TAFA2: variants seen among roughly 807,000 people sequenced by gnomAD.
TAFA2 encodes the protein chemokine-like protein TAFA-2.
In TAFA2, 7 loss-of-function variants were observed where a neutral mutation model predicts 18.8. That is an observed-to-expected ratio of 0.37 (90% CI 0.21 to 0.70). The LOEUF (loss-of-function observed/expected upper bound fraction) is 0.70. TAFA2 is among the 30% of genes least tolerant of loss of function. TAFA2 has a pLI of 0.53. For synonymous variants in TAFA2, 60 were observed against 54.2 expected, an observed-to-expected ratio of 1.11 and a Z score of -0.47; for missense variants, 122 against 158.1, an observed-to-expected ratio of 0.77 and a Z score of 1.23.
intron 1 of TAFA2, among the ~76,000 whole-genome samples, chr12:62,096,522 G>C (rs1017368389): frequency 6.6e-6 from 1 of 152,038 alleles, no homozygotes; most frequent in South Asian, 2.1e-4. Flanking sequence ...CTTAAAAAAG[G>C]CTTTACTAAA....
intron 1 of TAFA2, among the ~76,000 whole-genome samples, chr12:62,091,596 G>A (rs193162141): frequency 2.0e-5 from 3 of 151,920 alleles, no homozygotes; most frequent in Non-Finnish European, 4.4e-5. Flanking sequence ...ACAACTGATA[G>A]GTCAGTTGAT....
chr12:62,063,855 GACACACAC>G (rs3031045), intron 1 of TAFA2, among the ~76,000 whole-genome samples: 14 of 147,922 alleles, frequency 9.5e-5, no homozygotes, highest in African/African-American at 3.0e-4. Flanking sequence ...AGGGTGGCTG[GACACACAC>G]ACACACACAC....
intron 1 of TAFA2, among the ~76,000 whole-genome samples, chr12:62,013,694 G>T (rs1187421427): frequency 2.6e-5 from 4 of 152,090 alleles, no homozygotes; most frequent in African/African-American, 9.7e-5. Flanking sequence ...ATTTCTTTTT[G>T]CTCTATTTAA....
chr12:62,102,470 T>C (rs1324069098), intron 1 of TAFA2, among the ~76,000 whole-genome samples: 1 of 152,214 alleles, frequency 6.6e-6, no homozygotes, highest in Non-Finnish European at 1.5e-5. Flanking sequence ...AGTGTGTATT[T>C]AAATTGACAG....
At chr12:62,002,427 G>A (rs544098301) in intron 1 of TAFA2, among the ~76,000 whole-genome samples, 30 of 152,128 alleles carry the variant, frequency 2.0e-4, no homozygotes, top group African/African-American at 5.3e-4. Flanking sequence ...TCATTTTTGC[G>A]TAATGGGCCT....
At chr12:62,107,528 C>T (rs1290102394) in intron 1 of TAFA2, among the ~76,000 whole-genome samples, 1 of 152,034 alleles carries the variant, frequency 6.6e-6, no homozygotes, top group African/African-American at 2.4e-5. Flanking sequence ...TTAACTTTTC[C>T]TTAGATATTT....
chr12:61,804,295 G>A (rs138721412), intron 2 of TAFA2, among the ~76,000 whole-genome samples: 43 of 152,024 alleles, frequency 2.8e-4, no homozygotes, highest in African/African-American at 9.2e-4. Context: ...ACATTATTAT[G>A]TCTATCTTTA....
intron 1 of TAFA2, among the ~76,000 whole-genome samples, chr12:61,897,168 G>C (rs114008977): frequency 0.019 from 2,842 of 152,242 alleles, 93 homozygotes; most frequent in African/African-American, 0.063. Flanking sequence ...GTTATCTGCA[G>C]GGGATTCATT....
At position 61,853,767 on chromosome 12, in the gene TAFA2, T is replaced by A. The variant is rs571156504; in HGVS notation, c.106+13553A>T. 4.6e-5 allele frequency among the ~76,000 whole-genome samples: 7 copies of A among 152,248 alleles called. No individual in the cohort carries two copies. In the East Asian group the frequency reaches 1.4e-3, roughly 29 times the overall value. ...GATTGGAGGGTTTTTTTGTTTTGTT[T>A]TTTAAGAGACACAGAGTTATCCTCT... On this transcript the variant is annotated intron_variant, in intron 2 of 4. Coordinates refer to ENST00000416284, the MANE Select transcript of TAFA2 (RefSeq NM_178539.5).
At chr12:62,114,397 G>C (rs1379353657) in intron 1 of TAFA2, among the ~76,000 whole-genome samples, 1 of 152,162 alleles carries the variant, frequency 6.6e-6, no homozygotes, top group Non-Finnish European at 1.5e-5. Context: ...CTTCTGCATT[G>C]ATCTCACTGG....
chr12:62,091,139 G>A (rs1370324508), intron 1 of TAFA2, among the ~76,000 whole-genome samples: 1 of 151,914 alleles, frequency 6.6e-6, no homozygotes, highest in Non-Finnish European at 1.5e-5. Context: ...AAAAAAGTTG[G>A]TTTGAAGTCC....
At chr12:62,230,377 T>A (rs1208113836) in intron 1 of TAFA2, among the ~76,000 whole-genome samples, 1 of 152,180 alleles carries the variant, frequency 6.6e-6, no homozygotes, top group African/African-American at 2.4e-5. Context: ...GTACTGCTTT[T>A]ACTAGATCCC....
intron 4 of TAFA2, among the ~76,000 whole-genome samples, chr12:61,726,620 T>G (rs1188948466): frequency 6.6e-6 from 1 of 152,130 alleles, no homozygotes; most frequent in Non-Finnish European, 1.5e-5. Context: ...TTTTCAGATC[T>G]AGGAGCTTTT....
intron 4 of TAFA2, among the ~76,000 whole-genome samples, chr12:61,726,158 C>A (rs1375778172): frequency 6.6e-6 from 1 of 151,224 alleles, no homozygotes; most frequent in African/African-American, 2.4e-5. Context: ...GATATATACC[C>A]ATTGAATGTT....
At chr12:61,780,344 T>C (rs867878441) in intron 2 of TAFA2, among the ~76,000 whole-genome samples, 10 of 151,892 alleles carry the variant, frequency 6.6e-5, no homozygotes, top group African/African-American at 2.4e-4. Flanking sequence ...CATGGAGGTA[T>C]AAAAAGAAAG....
At chr12:62,051,108 T>C (rs528859508) in intron 1 of TAFA2, among the ~76,000 whole-genome samples, 14 of 152,274 alleles carry the variant, frequency 9.2e-5, no homozygotes, top group Admixed American at 9.1e-4. Context: ...GGAAAAAAAT[T>C]CTTTTTTGCT....
intron 2 of TAFA2, among the ~76,000 whole-genome samples, chr12:61,812,463 C>T (rs1209390483): frequency 4.0e-5 from 6 of 151,354 alleles, no homozygotes; most frequent in South Asian, 2.1e-4. Context: ...GTGAATAGGA[C>T]TAAACAGGAG....
chr12:61,917,950 G>A (rs554766040), intron 1 of TAFA2, among the ~76,000 whole-genome samples: 23 of 152,186 alleles, frequency 1.5e-4, no homozygotes, highest in Non-Finnish European at 2.8e-4. Context: ...AGAGGCAGTA[G>A]TGGATAGCTA....
intron 1 of TAFA2, among the ~76,000 whole-genome samples, chr12:61,990,714 T>C (rs1033727268): frequency 3.3e-5 from 5 of 152,188 alleles, no homozygotes; most frequent in Non-Finnish European, 5.9e-5. Context: ...TTAAACAAAA[T>C]TACTTATGTG....
Sources: allele counts gnomAD v4.1 joint callset (sites outside exome capture counted in the v4.1 genomes callset), GRCh38; gene constraint gnomAD v4.1.1; transcripts MANE v1.5; gene names NCBI Gene and HGNC (gene_info 2026-07-23, HGNC 2026-07-21).